KLRG1: variants seen among roughly 807,000 people sequenced by gnomAD.
KLRG1 encodes killer cell lectin like receptor G1, also known as killer cell lectin-like receptor subfamily G member 1.
A neutral mutation model predicts 21.8 loss-of-function variants in KLRG1; 16 were observed. That is an observed-to-expected ratio of 0.73 (90% CI 0.50 to 1.11). The LOEUF is 1.11. KLRG1 is among the 50% of genes most tolerant of loss of function. KLRG1 has a pLI of 0.00. For missense variants in KLRG1, 173 were observed against 218.3 expected (o/e 0.79, Z 1.31); for synonymous variants, 69 against 75.9 (o/e 0.91, Z 0.47).
At chr12:8,975,402 T>G (rs978653633) in intron 1 of KLRG1, among the ~76,000 whole-genome samples, 1 of 152,218 alleles carries the variant, frequency 6.6e-6, no homozygotes, top group Non-Finnish European at 1.5e-5. Context: ...GGCTTTATGT[T>G]TTTAGAAATG....
chr12:9,206,523 G>A, the KLRG1 span, among the ~76,000 whole-genome samples: 2 of 151,980 alleles, frequency 1.3e-5, no homozygotes, highest in Non-Finnish European at 2.9e-5. Context: ...TCTTTAGCAG[G>A]GACTAAATGT....
intron 2 of KLRG1, 67 bp from the exon 3 acceptor site, chr12:8,995,052 A>G (rs1947088486): frequency 2.1e-6 from 3 of 1,420,102 alleles, no homozygotes; most frequent in Non-Finnish European, 2.8e-6. Context: ...ATTCCATTTT[A>G]TCTCCCATTT....
the KLRG1 span, chr12:9,181,975 CT>C: frequency 7.4e-6 from 12 of 1,612,316 alleles, no homozygotes; most frequent in African/African-American, 1.6e-4. Flanking sequence ...AATCGCTCAC[CT>C]TGTTGGCTAG....
chr12:9,140,425 C>G, the KLRG1 span, among the ~76,000 whole-genome samples: 1 of 152,152 alleles, frequency 6.6e-6, no homozygotes, highest in Admixed American at 6.5e-5. Context: ...AGCAACATTC[C>G]TTACCTAATG....
At chr12:8,999,640 A>G (rs1218832595) in intron 3 of KLRG1, among the ~76,000 whole-genome samples, 1 of 152,224 alleles carries the variant, frequency 6.6e-6, no homozygotes, top group Admixed American at 6.5e-5. Flanking sequence ...TCTTTCAGAC[A>G]GTCATGAGTG....
At chr12:8,965,397 G>T (rs772593382) in intron 1 of KLRG1, among the ~76,000 whole-genome samples, 1 of 152,310 alleles carries the variant, frequency 6.6e-6, no homozygotes, top group Admixed American at 6.5e-5. Flanking sequence ...AAGTCAAATT[G>T]TCCCTGTTTG....
chr12:8,966,576 A>G (rs1344928854), intron 1 of KLRG1, among the ~76,000 whole-genome samples: 1 of 152,250 alleles, frequency 6.6e-6, no homozygotes, highest in African/African-American at 2.4e-5. Context: ...CAAAAAACAC[A>G]TGAAAAAATG....
chr12:9,152,194 G>A, the KLRG1 span: 2 of 1,473,654 alleles, frequency 1.4e-6, no homozygotes, highest in South Asian at 1.1e-5. Flanking sequence ...TTTGTATGAA[G>A]TCTATTAGGA....
the KLRG1 span, chr12:9,076,767 G>C: frequency 8.7e-6 from 14 of 1,613,924 alleles, no homozygotes; most frequent in South Asian, 1.3e-4. Flanking sequence ...TTTCTTCACA[G>C]CTTCCTCATT....
At chr12:9,171,535 G>A in the KLRG1 span, among the ~76,000 whole-genome samples, 5,890 of 152,278 alleles carry the variant, frequency 0.039, 395 homozygotes, top group African/African-American at 0.13. Context: ...ACTTCAGAAA[G>A]TGGATAACAA....
the KLRG1 span, among the ~76,000 whole-genome samples, chr12:9,060,613 A>G: frequency 7.2e-5 from 11 of 152,180 alleles, no homozygotes; most frequent in African/African-American, 2.7e-4. Context: ...CCTGGGCAAC[A>G]GAGTGAGACT....
At chr12:9,135,152 AG>A in the KLRG1 span, 1 of 220,620 alleles carries the variant, frequency 4.5e-6, no homozygotes, top group South Asian at 8.1e-5. Context: ...TCCACAGCAA[AG>A]GGCTCACGAA....
chr12:9,013,171 G>C (rs1268252196), downstream of KLRG1, among the ~76,000 whole-genome samples: 1 of 152,176 alleles, frequency 6.6e-6, no homozygotes, highest in African/African-American at 2.4e-5. Flanking sequence ...TCCTAATGCA[G>C]ATATAGCTGC....
intron 1 of KLRG1, among the ~76,000 whole-genome samples, chr12:8,957,733 C>T (rs910705306): frequency 2.0e-5 from 3 of 152,128 alleles, no homozygotes; most frequent in East Asian, 1.9e-4. Flanking sequence ...GGGACACTAA[C>T]GGGCAGGGAG....
chr12:9,145,117 A>G, the KLRG1 span, among the ~76,000 whole-genome samples: 1 of 152,138 alleles, frequency 6.6e-6, no homozygotes, highest in African/African-American at 2.4e-5. Context: ...TGTTTTTTTA[A>G]CTTTTCAGTC....
chr12:9,037,894 A>G, the KLRG1 span, among the ~76,000 whole-genome samples: 1 of 152,236 alleles, frequency 6.6e-6, no homozygotes, highest in African/African-American at 2.4e-5. Flanking sequence ...AATACAATCT[A>G]TGACCTTTGC....
At chr12:9,112,495 AG>A in the KLRG1 span, 1 of 1,613,804 alleles carries the variant, frequency 6.2e-7, no homozygotes, top group Non-Finnish European at 8.5e-7. Context: ...TCACTTGGAC[AG>A]TGAGGAACAT....
chr12:9,191,778 C>A, the KLRG1 span, among the ~76,000 whole-genome samples: 1 of 152,244 alleles, frequency 6.6e-6, no homozygotes, highest in African/African-American at 2.4e-5. Context: ...ATAAAGTACT[C>A]ATGGCCTGGC....
chr12:9,112,569 C>G, the KLRG1 span: 1 of 1,611,580 alleles, frequency 6.2e-7, no homozygotes, highest in African/African-American at 1.3e-5. Flanking sequence ...AAACCCCATT[C>G]AGCACCCGCA....
Sources: gnomAD v4.1 joint callset for allele counts (sites outside exome capture counted in the v4.1 genomes callset) on GRCh38, gnomAD v4.1.1 for gene constraint, MANE v1.5 for transcripts, NCBI Gene and HGNC (gene_info 2026-07-23, HGNC 2026-07-21) for gene names.